Variants in MTMR3 observed in about 807,000 individuals in gnomAD.
MTMR3 encodes the protein myotubularin related protein 3, also known as phosphatidylinositol-3,5-bisphosphate 3-phosphatase MTMR3.
In MTMR3, 32 loss-of-function variants were observed where a neutral mutation model predicts 132.4. That is an observed-to-expected ratio of 0.24 (90% CI 0.18 to 0.32). MTMR3 has a LOEUF of 0.32. MTMR3 is among the 10% of genes least tolerant of loss of function. The probability of loss-of-function intolerance (pLI) is 1.00; values close to 1 mark genes in which losing one functional copy is unlikely to be tolerated. For synonymous variants in MTMR3, 556 were observed against 550.3 expected (o/e 1.01, Z -0.14); for missense variants, 1,216 against 1,489.6 (o/e 0.82, Z 3.02).
chr22:29,988,165 G>C, intron 5 of MTMR3: 1 of 178,372 alleles, frequency 5.6e-6, no homozygotes, highest in Non-Finnish European at 1.2e-5. Flanking sequence ...GTCAGTTATA[G>C]CATCTAAAAG....
intron 1 of MTMR3, among the ~76,000 whole-genome samples, chr22:29,912,333 A>T (rs888572784): frequency 3.9e-5 from 6 of 152,220 alleles, no homozygotes; most frequent in African/African-American, 1.4e-4. Flanking sequence ...TTTGTCACCC[A>T]GGCTGGAGTG....
chr22:29,971,920 G>A (rs569434320), intron 3 of MTMR3, among the ~76,000 whole-genome samples: 1 of 152,206 alleles, frequency 6.6e-6, no homozygotes, highest in Non-Finnish European at 1.5e-5. Context: ...CTGATGCACA[G>A]AGAAGGAATT....
chr22:30,000,590 TAGCCGTC>T (rs1472417505), intron 8 of MTMR3: 1 of 152,252 alleles, frequency 6.6e-6, no homozygotes, highest in Non-Finnish European at 1.5e-5. Context: ...TGTTTGTGGC[TAGCCGTC>T]AGAGTTTTCA....
chr22:29,911,816 A>G (rs1192837530), intron 1 of MTMR3, among the ~76,000 whole-genome samples: 1 of 152,204 alleles, frequency 6.6e-6, no homozygotes, highest in East Asian at 1.9e-4. Flanking sequence ...AAAAGTGTTC[A>G]TAATGGGTAT....
At chr22:29,976,061 A>G (rs2066623054) in intron 3 of MTMR3, among the ~76,000 whole-genome samples, 2 of 151,970 alleles carry the variant, frequency 1.3e-5, no homozygotes, top group African/African-American at 4.8e-5. Context: ...TCATTAGGAA[A>G]ATAATGGGTT....
Position 30,018,059 on chromosome 22 carries a change from C to T in MTMR3, c.1807C>T (p.Pro603Ser), listed in dbSNP as rs773832137. The change falls in exon 16 of 20, where the codon CCC (proline) becomes TCC (serine). Residue 603 changes from proline (P) to serine (S), a missense_variant. Around this residue, in one of 7 missense-constraint regions of MTMR3, gnomAD observed 852 missense variants for 852.0 expected, o/e 1.00. Coordinates refer to ENST00000401950, the MANE Select transcript of MTMR3 (RefSeq NM_021090.4). ...YPAPGTSPDD[P>S]PLSRLPKTRS... is the part of the protein sequence containing the mutation. ...AGCCCCAGGCACCAGCCCTGATGATCCCCCCCTGAGCCGGTGAGCCCAGGG... is the reference window on the plus strand; with the variant it reads ...AGCCCCAGGCACCAGCCCTGATGATTCCCCCCTGAGCCGGTGAGCCCAGGG... The T allele has an allele frequency of 4.4e-6, 7 of 1,603,528 alleles. No homozygotes were observed. Among genetic ancestry groups the T allele is most frequent in the East Asian group, 2.3e-5 (1 of 44,368 alleles).
intron 1 of MTMR3, among the ~76,000 whole-genome samples, chr22:29,891,334 T>C (rs2064795186): frequency 6.6e-6 from 1 of 150,414 alleles, no homozygotes; most frequent in Non-Finnish European, 1.5e-5. Flanking sequence ...TATGTGTGTG[T>C]GTGTATATAT....
intron 19 of MTMR3, chr22:30,025,207 G>A (rs1018197771): frequency 1.2e-5 from 2 of 172,478 alleles, no homozygotes; most frequent in African/African-American, 4.8e-5. Flanking sequence ...AGTGAGGCTG[G>A]GTAGTTGTTT....
At chr22:29,966,746 T>C (rs991409352) in intron 2 of MTMR3, among the ~76,000 whole-genome samples, 42 of 149,830 alleles carry the variant, frequency 2.8e-4, no homozygotes, top group African/African-American at 8.3e-4. Flanking sequence ...TGTGTGTGTG[T>C]GTGTGTGTGT....
chr22:29,967,620 A>G (rs1309588599), intron 2 of MTMR3, among the ~76,000 whole-genome samples: 2 of 151,860 alleles, frequency 1.3e-5, no homozygotes, highest in Non-Finnish European at 2.9e-5. Context: ...TAGTATAGTC[A>G]TAAAGCTGTA....
intron 1 of MTMR3, among the ~76,000 whole-genome samples, chr22:29,892,683 A>G (rs2064823196): frequency 6.6e-6 from 1 of 152,250 alleles, no homozygotes; most frequent in Non-Finnish European, 1.5e-5. Flanking sequence ...AATTAATTTC[A>G]GTTATTTCAT....
chr22:29,893,730 T>C (rs1010763004), intron 1 of MTMR3, among the ~76,000 whole-genome samples: 5 of 152,228 alleles, frequency 3.3e-5, no homozygotes, highest in African/African-American at 9.7e-5. Context: ...TTAGTAGTGA[T>C]TAATTTCTGT....
intron 19 of MTMR3, chr22:30,023,320 G>A (rs995951467): frequency 1.6e-5 from 13 of 832,918 alleles, no homozygotes; most frequent in Non-Finnish European, 2.7e-5. Context: ...TCACCCACAC[G>A]AGTGGGTGGA....
chr22:30,029,926 C>T lies in MTMR3; in HGVS notation c.*4125C>T, dbSNP rs937900764. 2 of 152,352 alleles carry T rather than the reference C, an allele frequency of 1.3e-5. No homozygotes were observed. The highest frequency in any genetic ancestry group is 2.9e-5 in the Non-Finnish European group (2 of 68,046). 9.4% of individuals were successfully genotyped at this position (152,352 alleles called of 1,614,324 possible). A position where few individuals can be genotyped will look rare whatever the true frequency, so the allele number is the denominator to read the frequency against. ...AGGGCAGGACCAGATATGTGAGAGA[C>T]TTCTAGTTCAGAGCTGACCCCTCTA... On this transcript the variant is annotated 3_prime_UTR_variant, in exon 20 of 20. Transcript: ENST00000401950.
chr22:29,952,348 C>G (rs558958699), intron 1 of MTMR3, among the ~76,000 whole-genome samples: 1 of 151,886 alleles, frequency 6.6e-6, no homozygotes, highest in African/African-American at 2.4e-5. Context: ...ACCCTGAAAA[C>G]TTCCAGACCT....
intron 1 of MTMR3, among the ~76,000 whole-genome samples, chr22:29,950,020 G>C (rs562696192): frequency 6.6e-6 from 1 of 152,198 alleles, no homozygotes. Context: ...TTAACTGAGA[G>C]CAAGAAGCAG....
chr22:30,013,250 T>A, intron 13 of MTMR3, 106 bp from the exon 14 acceptor site: 1 of 1,212,472 alleles, frequency 8.2e-7, no homozygotes, highest in Non-Finnish European at 1.2e-6. Flanking sequence ...CGGGTGGGCT[T>A]TCTGGGAGGC....
chr22:29,994,212 G>A (rs1188757114), intron 7 of MTMR3: 1 of 911,882 alleles, frequency 1.1e-6, no homozygotes, highest in Non-Finnish European at 1.3e-6. Context: ...TATGAGTAAG[G>A]GTTGCATTTT....
intron 16 of MTMR3, 80 bp downstream of exon 16, chr22:30,018,152 A>T: frequency 7.1e-7 from 1 of 1,409,856 alleles, no homozygotes; most frequent in Non-Finnish European, 9.4e-7. Flanking sequence ...GGATGGTCAG[A>T]GATCATGATG....
Sources: allele counts gnomAD v4.1 joint callset (sites outside exome capture counted in the v4.1 genomes callset), GRCh38; gene constraint gnomAD v4.1.1; regional missense constraint gnomAD v4.1.1; transcripts MANE v1.5; gene names NCBI Gene and HGNC (gene_info 2026-07-23, HGNC 2026-07-21).